ACADSB: variants seen among roughly 807,000 people sequenced by gnomAD.
ACADSB encodes the protein short/branched chain specific acyl-CoA dehydrogenase, mitochondrial.
Under a neutral mutation model 54.1 loss-of-function variants are expected in ACADSB, and 40 were observed. The ratio of observed to expected loss-of-function variants is 0.74; its 90% CI spans 0.57 to 0.96. The LOEUF (loss-of-function observed/expected upper bound fraction) is 0.96. Among genes scored for constraint, ACADSB ranks in the 40% least tolerant of loss-of-function variants. ACADSB has a pLI of 0.00. For synonymous variants in ACADSB, 182 were observed against 182.8 expected, an observed-to-expected ratio of 1.00 and a Z score of 0.03; for missense variants, 530 against 510.4, an observed-to-expected ratio of 1.04 and a Z score of -0.37.
rs1564755113 is a variant in ACADSB at position 123,053,101 on chromosome 10, G to A, written c.1169G>A (p.Gly390Glu). Residue 390 changes from glycine (G) to glutamate (E), a missense_variant, in exon 10 of 11, where the codon GGG becomes GAG. Transcript: ENST00000358776. ...QTTSKCIEWM[G>E]GVGYTKDYPV... ...ACGAGTAAATGTATCGAGTGGATGGGGGGAGTAGGCTACACCAAAGATTAC... is the reference window on the plus strand; with the variant it reads ...ACGAGTAAATGTATCGAGTGGATGGAGGGAGTAGGCTACACCAAAGATTAC... 3 of 1,614,134 alleles carry A rather than the reference G, an allele frequency of 1.9e-6. No homozygotes were observed. Among genetic ancestry groups the A allele is most frequent in the Non-Finnish European group, 2.5e-6 (3 of 1,180,008 alleles).
At chr10:123,046,860 T>TAGAGGAA (rs1850566840) in intron 7 of ACADSB, among the ~76,000 whole-genome samples, 9 of 152,244 alleles carry the variant, frequency 5.9e-5, no homozygotes. Flanking sequence ...AAAACTTCTA[T>TAGAGGAA]GGCTCATTTT....
intron 7 of ACADSB, among the ~76,000 whole-genome samples, chr10:123,045,171 A>ATATTTTATTT (rs1850544144): frequency 3.9e-4 from 6 of 15,374 alleles, no homozygotes; most frequent in Non-Finnish European, 6.2e-4. Flanking sequence ...ATATATATAT[A>ATATTTTATTT]TTTTTTTTTT....
At chr10:123,049,424 G>T (rs1423765385) in intron 8 of ACADSB, among the ~76,000 whole-genome samples, 1 of 152,220 alleles carries the variant, frequency 6.6e-6, no homozygotes, top group Non-Finnish European at 1.5e-5. Context: ...GAGGAGACAT[G>T]CCTCAGTCAC....
intron 2 of ACADSB, among the ~76,000 whole-genome samples, chr10:123,037,298 G>T (rs1850412666): frequency 6.6e-6 from 1 of 152,224 alleles, no homozygotes; most frequent in South Asian, 2.1e-4. Flanking sequence ...TGCTGACATA[G>T]AAAGATCATC....
rs919760736 is a variant in ACADSB at position 123,055,090 on chromosome 10, T to A, written c.*1325T>A. 3 of 152,526 alleles carry A rather than the reference T, an allele frequency of 2.0e-5. No individual in the cohort carries two copies. The highest frequency in any genetic ancestry group is 4.4e-5 in the Non-Finnish European group (3 of 68,276). The allele number at this position is 152,526 out of a possible 1,614,324, so 9.4% of individuals were successfully genotyped here. A position where few individuals can be genotyped will look rare whatever the true frequency, so the allele number is the denominator to read the frequency against. Reference sequence around the variant, plus strand: ...CAAAAATGAATCTATTGTTTTGCAATATAGGTTATAAACAGGCAAAATGCA... The same window carrying A: ...CAAAAATGAATCTATTGTTTTGCAAAATAGGTTATAAACAGGCAAAATGCA... On this transcript the variant is annotated 3_prime_UTR_variant, in exon 11 of 11. Coordinates refer to ENST00000358776, the MANE Select transcript of ACADSB (RefSeq NM_001609.4).
chr10:123,051,267 C>A, intron 9 of ACADSB, 81 bp downstream of exon 9: 1 of 1,346,732 alleles, frequency 7.4e-7, no homozygotes. Context: ...AACATTTTCT[C>A]TTGGGAATGT....
chr10:123,026,041 C>A (rs1439666893), intron 1 of ACADSB, among the ~76,000 whole-genome samples: 1 of 151,988 alleles, frequency 6.6e-6, no homozygotes, highest in East Asian at 1.9e-4. Context: ...TGCACTCCAG[C>A]CTGGGAGACA....
chr10:123,041,063 G>T, intron 4 of ACADSB, 146 bp from the exon 5 acceptor site: 1 of 912,978 alleles, frequency 1.1e-6, no homozygotes. Context: ...AATACTTTCA[G>T]AATACCATTG....
At chr10:123,013,682 G>A (rs1002997781) in intron 1 of ACADSB, among the ~76,000 whole-genome samples, 3 of 152,340 alleles carry the variant, frequency 2.0e-5, no homozygotes, top group African/African-American at 4.8e-5. Flanking sequence ...GCTAGAAATC[G>A]AGCGCGGCGC....
Position 123,041,362 on chromosome 10 carries a change from A to G in ACADSB, c.664A>G (p.Asn222Asp). The G allele has an allele frequency of 6.2e-7, 1 of 1,614,190 alleles. No homozygotes were observed. Among genetic ancestry groups the G allele is most frequent in the Non-Finnish European group, 8.5e-7 (1 of 1,180,020 alleles). ...EHAGLFLVMA[N>D]VDPTIGYKGI... ...CGCAGGGCTCTTTCTGGTGATGGCA[A>G]ATGTAGACCCTACCATTGTAAGTTT... The change falls in exon 5 of 11, where the codon AAT becomes GAT. Residue 222 changes from asparagine to aspartate, a missense_variant. By Grantham distance (23) the Asn-to-Asp change is conservative. Coordinates refer to ENST00000358776, the MANE Select transcript of ACADSB (RefSeq NM_001609.4).
At chr10:123,051,295 T>C (rs1850630613) in intron 9 of ACADSB, 109 bp downstream of exon 9, 3 of 1,308,814 alleles carry the variant, frequency 2.3e-6, no homozygotes, top group African/African-American at 3.0e-5. Context: ...ACTTTGGTTG[T>C]TTTTCAAGTT....
At chr10:123,045,940 A>G (rs566909194) in intron 7 of ACADSB, among the ~76,000 whole-genome samples, 1 of 152,356 alleles carries the variant, frequency 6.6e-6, no homozygotes, top group South Asian at 2.1e-4. Context: ...CAGTGAACTG[A>G]AGGCATCTGT....
intron 1 of ACADSB, among the ~76,000 whole-genome samples, chr10:123,026,710 G>T (rs1217750406): frequency 7.3e-6 from 1 of 136,148 alleles, no homozygotes; most frequent in Admixed American, 7.6e-5. Context: ...AATATCTCTT[G>T]AATATATTGC....
At chr10:123,041,175 T>A (rs757670024) in intron 4 of ACADSB, 34 bp from the exon 5 acceptor site, 1 of 1,608,088 alleles carries the variant, frequency 6.2e-7, no homozygotes, top group East Asian at 2.2e-5. Flanking sequence ...TAAATACAGT[T>A]ATTAATTTGG....
chr10:123,041,839 C>G (rs1360379051), intron 5 of ACADSB, among the ~76,000 whole-genome samples: 2 of 152,148 alleles, frequency 1.3e-5, no homozygotes, highest in Middle Eastern at 3.4e-3. Flanking sequence ...TGAGCACTGT[C>G]AGATTTTGGT....
chr10:123,050,997 G>T, intron 8 of ACADSB, 52 bp from the exon 9 acceptor site: 3 of 1,595,490 alleles, frequency 1.9e-6, no homozygotes, highest in East Asian at 2.2e-5. Flanking sequence ...TGAGGTTGAG[G>T]TGCTTGCTTT....
chr10:123,033,590 C>T (rs1850357244), intron 1 of ACADSB, among the ~76,000 whole-genome samples: 1 of 152,076 alleles, frequency 6.6e-6, no homozygotes, highest in South Asian at 2.1e-4. Context: ...TAGAAATAGT[C>T]ATTACAGCGT....
At chr10:123,024,285 C>T (rs979523523) in intron 1 of ACADSB, among the ~76,000 whole-genome samples, 4 of 152,174 alleles carry the variant, frequency 2.6e-5, no homozygotes, top group Admixed American at 6.5e-5. Context: ...GAAACATGTT[C>T]GAGTTCTCTC....
Position 123,034,405 on chromosome 10 carries a change from A to C in ACADSB, c.92A>C (p.His31Pro), listed in dbSNP as rs57321698. The C allele has an allele frequency of 1.9e-6, 3 of 1,613,798 alleles. No individual in the cohort carries two copies. The highest frequency in any genetic ancestry group is 2.5e-6 in the Non-Finnish European group (3 of 1,179,942). ...TCLSSWKIPP[H>P]VSKSSQSEAL... ...TTGTCTTCTTGGAAGATTCCTCCTC[A>C]TGTCTCAAAATCTTCCCAGTCAGAA... The change falls in exon 2 of 11, where the codon CAT (histidine) becomes CCT (proline). Residue 31 changes from histidine to proline, a missense_variant. Physicochemically the swap from His to Pro is moderately conservative, Grantham distance 77. Coordinates refer to ENST00000358776, the MANE Select transcript of ACADSB (RefSeq NM_001609.4).
Sources: allele counts gnomAD v4.1 joint callset (sites outside exome capture counted in the v4.1 genomes callset), GRCh38; gene constraint gnomAD v4.1.1; transcripts MANE v1.5; gene names NCBI Gene and HGNC (gene_info 2026-07-23, HGNC 2026-07-21).